The following TRIM25 variants were observed in gnomAD, a reference collection of about 807,000 sequenced individuals.
TRIM25 encodes E3 ubiquitin/ISG15 ligase TRIM25.
In TRIM25, 45 loss-of-function variants were observed where a neutral mutation model predicts 65.2. The ratio of observed to expected loss-of-function variants is 0.69; its 90% CI spans 0.54 to 0.89. TRIM25 has a LOEUF of 0.89. Ranked by LOEUF, TRIM25 falls within the 40% of genes least tolerant of loss-of-function variation. The pLI is 0.00. For synonymous variants in TRIM25, 321 were observed against 340.4 expected, an observed-to-expected ratio of 0.94 and a Z score of 0.63; for missense variants, 714 against 803.7, an observed-to-expected ratio of 0.89 and a Z score of 1.35.
intron 3 of TRIM25, among the ~76,000 whole-genome samples, chr17:56,902,383 G>C: frequency 6.6e-6 from 1 of 152,162 alleles, no homozygotes; most frequent in South Asian, 2.1e-4. Context: ...AGGATGAATG[G>C]GGGTAATAAG....
chr17:56,904,214 A>G, intron 3 of TRIM25, 41 bp downstream of exon 3: 1 of 1,472,776 alleles, frequency 6.8e-7, no homozygotes, highest in South Asian at 1.3e-5. Flanking sequence ...ATCAGGCAAA[A>G]AAAAAAAAAA....
intron 4 of TRIM25, 66 bp from the exon 5 acceptor site, chr17:56,899,246 C>T: frequency 6.3e-7 from 1 of 1,576,988 alleles, no homozygotes; most frequent in Admixed American, 1.7e-5. Flanking sequence ...CCAGCTTTGC[C>T]ATGGGTCGGT....
In TRIM25 at chr17:56,913,436, T is replaced by A; in HGVS notation, c.553A>T (p.Thr185Ser). 6.2e-7 allele frequency: 1 copy of A among 1,602,188 alleles called. No homozygotes were observed. The highest frequency in any genetic ancestry group is 8.5e-7 in the Non-Finnish European group (1 of 1,172,662). The change falls in exon 1 of 9, where the codon ACC (threonine) becomes TCC (serine). Residue 185 changes from threonine (T) to serine (S), a missense_variant. Transcript: ENST00000316881. The surrounding 1 kb of genome is among the most constrained non-coding windows in gnomAD (Gnocchi z 6.1). The stretch of plus-strand genomic sequence containing the variant: ...TGGCTCAGGGACGCGGGAGAGCAGG[T>A]CTTATGCTCCACCAGGCAGATGTGG... ...ICHICLVEHKTCSPASLSQAS... is the reference protein window; with the variant it reads ...ICHICLVEHKSCSPASLSQAS...
chr17:56,901,402 G>A lies in TRIM25; in HGVS notation c.1087+17C>T, dbSNP rs372209466. The A allele has an allele frequency of 6.2e-7, 1 of 1,612,674 alleles. No individual in the cohort carries two copies. Reference sequence around the variant, plus strand: ...CAGGGTTCCACAGGGGGCAGCATAGGGGGCTGCTAAGGTCACCTGAACTGG... The same window carrying A: ...CAGGGTTCCACAGGGGGCAGCATAGAGGGCTGCTAAGGTCACCTGAACTGG... On this transcript the variant is annotated intron_variant, in intron 4 of 8. Coordinates refer to ENST00000316881, the MANE Select transcript of TRIM25 (RefSeq NM_005082.5).
At chr17:56,908,678 C>T in intron 1 of TRIM25, 115 bp from the exon 2 acceptor site, 1 of 1,017,406 alleles carries the variant, frequency 9.8e-7, no homozygotes, top group Non-Finnish European at 1.5e-6. Flanking sequence ...CCACCCAAGT[C>T]TTGCCACCCC....
chr17:56,893,246 G>A (rs1909219566), intron 8 of TRIM25, among the ~76,000 whole-genome samples: 1 of 152,226 alleles, frequency 6.6e-6, no homozygotes, highest in Non-Finnish European at 1.5e-5. Context: ...AGGTGGCTCA[G>A]GGCATGACAC....
chr17:56,902,053 G>T (rs1349993338), intron 3 of TRIM25, among the ~76,000 whole-genome samples: 1 of 152,188 alleles, frequency 6.6e-6, no homozygotes, highest in African/African-American at 2.4e-5. Context: ...GGGTCTTCCT[G>T]GAAGTCCCAA....
rs1567841195 is a variant in TRIM25, at chr17:56,904,354, G to T, written c.828C>A (p.Thr276=). The change falls in exon 3 of 9, where the codon ACC becomes ACA. Residue 276 remains threonine, a synonymous_variant. Coordinates refer to ENST00000316881, the MANE Select transcript of TRIM25 (RefSeq NM_005082.5). ...EEKRVNSKFD[T]IYQILLKKKS... ...TCTTCTTGAGGAGAATCTGATAAATGGTGTCAAACTTGCTGTTGACCCTCT... is the reference window on the plus strand; with the variant it reads ...TCTTCTTGAGGAGAATCTGATAAATTGTGTCAAACTTGCTGTTGACCCTCT... 1.9e-6 allele frequency: 3 copies of T among 1,614,056 alleles called. No homozygotes were observed. Among genetic ancestry groups the T allele is most frequent in the Non-Finnish European group, 2.5e-6 (3 of 1,180,018 alleles).
At chr17:56,901,320 G>C (rs952526850) in intron 4 of TRIM25, 99 bp downstream of exon 4, 3 of 1,374,436 alleles carry the variant, frequency 2.2e-6, no homozygotes, top group Non-Finnish European at 3.0e-6. Flanking sequence ...AGGCCCCAGT[G>C]CTCGGGATCA....
Position 56,891,253 on chromosome 17 carries a change from A to G in TRIM25, c.*447T>C, listed in dbSNP as rs1183036610. ...AACATTGAAACTCAATGACTTTGGAACTTTAAAAACATCTATAGTAAGAAT... is the reference window on the plus strand; with the variant it reads ...AACATTGAAACTCAATGACTTTGGAGCTTTAAAAACATCTATAGTAAGAAT... On this transcript the variant is annotated 3_prime_UTR_variant, in exon 9 of 9. Transcript: ENST00000316881. 1 of 323,122 alleles carries G rather than the reference A, an allele frequency of 3.1e-6. No homozygotes were observed. The highest frequency in any genetic ancestry group is 2.2e-5 in the African/African-American group (1 of 45,716). The allele number at this position is 323,122 out of a possible 1,614,324, so 20.0% of individuals were successfully genotyped here. A position where few individuals can be genotyped will look rare whatever the true frequency, so the allele number is the denominator to read the frequency against.
intron 1 of TRIM25, chr17:56,908,819 G>A (rs946409336): frequency 2.3e-6 from 1 of 443,048 alleles, no homozygotes; most frequent in Non-Finnish European, 4.1e-6. Context: ...GTGCAACTGT[G>A]TCCTTCACCT....
intron 1 of TRIM25, among the ~76,000 whole-genome samples, chr17:56,911,797 C>A (rs1179113301): frequency 6.6e-6 from 1 of 151,766 alleles, no homozygotes; most frequent in African/African-American, 2.4e-5. Flanking sequence ...GAGGCTGAGG[C>A]AAGTGGATCA....
chr17:56,895,573 G>A lies in TRIM25; in HGVS notation c.1212C>T (p.Pro404=), dbSNP rs747607361. ...CTAACTGTTCCGGGGCTCCAAACGT[G>A]GGAAGCTTGCTGGGTAAGGCAGGGA... ...PPVPALPSKL[P]TFGAPEQLVD... Residue 404 remains proline, a synonymous_variant, in exon 7 of 9, where the codon CCC becomes CCT. Transcript: ENST00000316881. 4 of 1,577,826 alleles carry A rather than the reference G, an allele frequency of 2.5e-6. No individual in the cohort carries two copies. Among genetic ancestry groups the A allele is most frequent in the Non-Finnish European group, 3.4e-6 (4 of 1,159,946 alleles).
At chr17:56,908,595 A>G in intron 1 of TRIM25, 32 bp from the exon 2 acceptor site, 2 of 1,600,340 alleles carry the variant, frequency 1.2e-6, no homozygotes, top group Non-Finnish European at 1.7e-6. Context: ...TTGAGAATGC[A>G]CCTCTTCAGC....
chr17:56,890,045 G>C lies in TRIM25; in HGVS notation c.*1655C>G. ...ATATCAAGTGTTCTGAGCCTGCCTA[G>C]AGTGCCCTAGAGTTCCAGCACGAGG... On this transcript the variant is annotated 3_prime_UTR_variant, in exon 9 of 9. Coordinates refer to ENST00000316881, the MANE Select transcript of TRIM25 (RefSeq NM_005082.5). The C allele has an allele frequency of 2.5e-6, 1 of 400,938 alleles. No homozygotes were observed. The highest frequency in any genetic ancestry group is 1.1e-4 in the South Asian group (1 of 8,924). The allele number at this position is 400,938 out of a possible 1,614,324, so 24.8% of individuals were successfully genotyped here.
rs1909130574 is a variant in TRIM25 at position 56,889,791 on chromosome 17, T to C, written c.*1909A>G. 5.0e-6 allele frequency: 2 copies of C among 398,476 alleles called. No homozygotes were observed. Among genetic ancestry groups the C allele is most frequent in the South Asian group, 2.5e-4 (2 of 7,864 alleles). The allele number at this position is 398,476 out of a possible 1,614,324, so 24.7% of individuals were successfully genotyped here. A position where few individuals can be genotyped will look rare whatever the true frequency, so the allele number is the denominator to read the frequency against. On this transcript the variant is annotated 3_prime_UTR_variant, in exon 9 of 9. Transcript: ENST00000316881. ...ATTGGTTTCAGACAAGGCTTTCGTT[T>C]CAGAAAATCAATGAAGATGCTTTTG...
intron 4 of TRIM25, among the ~76,000 whole-genome samples, chr17:56,899,860 A>G (rs916439285): frequency 1.3e-5 from 2 of 152,236 alleles, no homozygotes; most frequent in African/African-American, 4.8e-5. Context: ...CAGGAGCATC[A>G]CTTGAAGCCA....
rs1000109223 is a variant in TRIM25, at chr17:56,894,047, T to C, written c.1363+1296A>G. ...TGGGGGACAGCCTGGGCATCGGGGATTTTAAAAAGCTCCCCAGGATTCCAA... is the reference window on the plus strand; with the variant it reads ...TGGGGGACAGCCTGGGCATCGGGGACTTTAAAAAGCTCCCCAGGATTCCAA... On this transcript the variant is annotated intron_variant, in intron 8 of 8. Transcript: ENST00000316881. Among the ~76,000 whole-genome samples, 57 of 152,234 alleles carry C rather than the reference T, an allele frequency of 3.7e-4. 3 individuals are homozygous for C. Among genetic ancestry groups the C allele is most frequent in the Admixed American group, 3.4e-3 (52 of 15,290 alleles).
chr17:56,892,046 A>T lies in TRIM25; in HGVS notation c.1547T>A (p.Val516Glu), dbSNP rs1909185347. ...CYKKGIHYWE[V>E]ELQKNNFCGV... ...ACAGAAGTTGTTCTTCTGCAGCTCC[A>T]CCTCCCAGTAGTGGATCCCCTTCTT... Residue 516 changes from valine to glutamate, a missense_variant, in exon 9 of 9, where the codon GTG becomes GAG. Transcript: ENST00000316881. 1 of 1,613,460 alleles carries T rather than the reference A, an allele frequency of 6.2e-7. No individual in the cohort carries two copies. The highest frequency in any genetic ancestry group is 1.3e-5 in the African/African-American group (1 of 74,714).
Sources: gnomAD v4.1 joint callset for allele counts (sites outside exome capture counted in the v4.1 genomes callset) on GRCh38, gnomAD v4.1.1 for gene constraint, Gnocchi (gnomAD v3.1) non-coding constraint, MANE v1.5 for transcripts, NCBI Gene and HGNC (gene_info 2026-07-23, HGNC 2026-07-21) for gene names.